The following RB1 variants were observed in gnomAD, a reference collection of about 807,000 sequenced individuals.
RB1 encodes the protein retinoblastoma-associated protein.
RB1 carries 18 observed loss-of-function variants against 135.4 expected under a neutral mutation model. The ratio of observed to expected loss-of-function variants is 0.13; its 90% CI spans 0.09 to 0.20. The LOEUF is 0.20. Ranked by LOEUF, RB1 falls within the 10% of genes least tolerant of loss-of-function variation. The pLI, the probability that RB1 is intolerant of heterozygous loss-of-function variation, is 1.00. For synonymous variants in RB1, 365 were observed against 373.2 expected (o/e 0.98, Z 0.25); for missense variants, 868 against 1,110.0 (o/e 0.78, Z 3.10).
At chr13:48,346,773 G>A (rs1051770313) in intron 4 of RB1, among the ~76,000 whole-genome samples, 2 of 151,932 alleles carry the variant, frequency 1.3e-5, no homozygotes, top group Non-Finnish European at 2.9e-5. Context: ...GACCACTAAC[G>A]CATAGAATGA....
rs1446656675 is a variant in RB1, at chr13:48,307,634, T to C, written c.264+228T>C. ...CTTTGGGAGGCTGAGGCAGGTGGAT[T>C]GCCTGAGCTCAGGAGTTCGAGACCA... is the stretch of plus-strand genomic sequence containing the variant. On this transcript the variant is annotated intron_variant, in intron 2 of 26. Transcript: ENST00000267163. Among the ~76,000 whole-genome samples the C allele has an allele frequency of 5.8e-3, 847 of 146,870 alleles. 3 individuals are homozygous for C. Among genetic ancestry groups the C allele is most frequent in the Non-Finnish European group, 9.6e-3 (625 of 65,396 alleles).
chr13:48,347,531 A>T (rs990548556), intron 4 of RB1, among the ~76,000 whole-genome samples: 1 of 152,086 alleles, frequency 6.6e-6, no homozygotes, highest in African/African-American at 2.4e-5. Flanking sequence ...AAATCATATG[A>T]GATAATTTAA....
chr13:48,308,067 T>G (rs1011498952), intron 2 of RB1, among the ~76,000 whole-genome samples: 6 of 151,868 alleles, frequency 4.0e-5, no homozygotes, highest in African/African-American at 1.4e-4. Flanking sequence ...TTGTTAGAAT[T>G]CAGGATCTTG....
At chr13:48,320,488 G>T in intron 2 of RB1, 4 of 719,776 alleles carry the variant, frequency 5.6e-6, no homozygotes, top group East Asian at 2.7e-5. Flanking sequence ...AGCAGAAGGG[G>T]AGGGACGCGC....
chr13:48,326,643 C>A (rs1952290125), intron 2 of RB1, among the ~76,000 whole-genome samples: 2 of 152,120 alleles, frequency 1.3e-5, no homozygotes, highest in Non-Finnish European at 2.9e-5. Context: ...GGGGCTTATT[C>A]TAAACTTAAA....
intron 17 of RB1, among the ~76,000 whole-genome samples, chr13:48,414,134 G>A (rs1948866624): frequency 6.6e-6 from 1 of 152,132 alleles, no homozygotes; most frequent in Admixed American, 6.5e-5. Context: ...GATCACCTGA[G>A]ATCAGGAGTT....
chr13:48,479,121 G>C lies in RB1; in HGVS notation c.2714-877G>C, dbSNP rs563034665. ...CATGTGCCTGTAGTCTTGGCTACTG[G>C]AGAGGCTGAGGTGAGAGAATTGCTT... On this transcript the variant is annotated intron_variant, in intron 26 of 26. Coordinates refer to ENST00000267163, the MANE Select transcript of RB1 (RefSeq NM_000321.3). Among the ~76,000 whole-genome samples, 9 of 152,226 alleles carry C rather than the reference G, an allele frequency of 5.9e-5. No homozygotes were observed. The South Asian group carries it at 1.7e-3, about 28-fold the overall frequency.
chr13:48,353,564 T>A (rs1952566816), intron 6 of RB1, among the ~76,000 whole-genome samples: 1 of 151,936 alleles, frequency 6.6e-6, no homozygotes, highest in Admixed American at 6.6e-5. Flanking sequence ...GAAAATAGAC[T>A]AGGAAGAAAT....
At chr13:48,372,725 T>G (rs752724949) in intron 11 of RB1, among the ~76,000 whole-genome samples, 6 of 152,102 alleles carry the variant, frequency 3.9e-5, no homozygotes, top group Non-Finnish European at 2.9e-5. Context: ...CTGAGAACAC[T>G]GAGCATATTT....
chr13:48,381,893 T>G (rs1450952079), intron 17 of RB1, among the ~76,000 whole-genome samples: 1 of 32,774 alleles, frequency 3.1e-5, no homozygotes, highest in Non-Finnish European at 1.8e-4. Context: ...CCCCACCCTG[T>G]GTCCACGTGT....
intron 8 of RB1, among the ~76,000 whole-genome samples, 153 bp downstream of exon 8, chr13:48,363,110 C>T (rs954142907): frequency 2.0e-5 from 3 of 151,718 alleles, no homozygotes; most frequent in African/African-American, 2.4e-5. Flanking sequence ...AAAATTAATT[C>T]GTTATATTTA....
chr13:48,432,987 G>A (rs1438017597), intron 17 of RB1, among the ~76,000 whole-genome samples: 1 of 152,040 alleles, frequency 6.6e-6, no homozygotes, highest in Non-Finnish European at 1.5e-5. Flanking sequence ...GATTTGGAAT[G>A]GGATACTGCT....
chr13:48,329,992 T>C (rs1156356258), intron 2 of RB1, among the ~76,000 whole-genome samples: 1 of 151,824 alleles, frequency 6.6e-6, no homozygotes, highest in Non-Finnish European at 1.5e-5. Flanking sequence ...TTTCTCACCA[T>C]AATGGCATAA....
chr13:48,333,048 T>A lies in RB1; in HGVS notation c.265-9551T>A, dbSNP rs138987152. ...CGCTCACCTGTTTTCAAACCATGGTTGACCATGGGAAACTGAAACTGTGGA... is the reference window on the plus strand; with the variant it reads ...CGCTCACCTGTTTTCAAACCATGGTAGACCATGGGAAACTGAAACTGTGGA... On this transcript the variant is annotated intron_variant, in intron 2 of 26. Coordinates refer to ENST00000267163, the MANE Select transcript of RB1 (RefSeq NM_000321.3). 2.6e-3 allele frequency: 1,026 copies of A among 398,406 alleles called. 16 individuals are homozygous for A. The highest frequency in any genetic ancestry group is 0.019 in the African/African-American group (937 of 48,740). The allele number at this position is 398,406 out of a possible 1,614,324, so 24.7% of individuals were successfully genotyped here.
At chr13:48,309,128 TAAA>T (rs1447126238) in intron 2 of RB1, among the ~76,000 whole-genome samples, 3 of 152,210 alleles carry the variant, frequency 2.0e-5, no homozygotes, top group Non-Finnish European at 4.4e-5. Context: ...ACTTGTTAAA[TAAA>T]TTAATGAATG....
chr13:48,410,476 A>G (rs771709644), intron 17 of RB1, among the ~76,000 whole-genome samples: 28 of 152,200 alleles, frequency 1.8e-4, no homozygotes, highest in Non-Finnish European at 2.8e-4. Flanking sequence ...CATCATAAGC[A>G]ACACGTGACA....
At chr13:48,316,432 T>TGA (rs1952183464) in intron 2 of RB1, among the ~76,000 whole-genome samples, 2 of 152,056 alleles carry the variant, frequency 1.3e-5, no homozygotes, top group Non-Finnish European at 2.9e-5. Context: ...CCAAAAAACA[T>TGA]CAGAGTCTCT....
intron 1 of RB1, among the ~76,000 whole-genome samples, chr13:48,304,576 A>C (rs548206460): frequency 6.6e-6 from 1 of 152,050 alleles, no homozygotes; most frequent in South Asian, 2.1e-4. Flanking sequence ...CAGGGTCCTG[A>C]GTGTCCATTG....
chr13:48,371,962 G>A (rs778499306), intron 11 of RB1, among the ~76,000 whole-genome samples: 2 of 152,144 alleles, frequency 1.3e-5, no homozygotes, highest in African/African-American at 2.4e-5. Flanking sequence ...TGTGAACTGC[G>A]CATGTGAGGG....
Sources: gnomAD v4.1 joint callset for allele counts (sites outside exome capture counted in the v4.1 genomes callset) on GRCh38, gnomAD v4.1.1 for gene constraint, MANE v1.5 for transcripts, NCBI Gene and HGNC (gene_info 2026-07-23, HGNC 2026-07-21) for gene names.